Variants in CNTNAP2 observed in about 807,000 individuals in gnomAD.
The protein encoded by CNTNAP2 is contactin associated protein 2.
In CNTNAP2, 98 loss-of-function variants were observed where a neutral mutation model predicts 155.2. That is an observed-to-expected ratio of 0.63 (90% CI 0.54 to 0.75). The LOEUF is 0.75. Among genes scored for constraint, CNTNAP2 ranks in the 30% least tolerant of loss-of-function variants. CNTNAP2 has a pLI of 0.00. For synonymous variants in CNTNAP2, 651 were observed against 631.2 expected, an observed-to-expected ratio of 1.03 and a Z score of -0.47; for missense variants, 1,727 against 1,688.1, an observed-to-expected ratio of 1.02 and a Z score of -0.40.
intron 9 of CNTNAP2, among the ~76,000 whole-genome samples, chr7:147,359,425 C>T (rs1333531421): frequency 6.6e-6 from 1 of 152,182 alleles, no homozygotes; most frequent in East Asian, 1.9e-4. Context: ...AGCCTGCTCT[C>T]AGCACAATGG....
chr7:148,038,702 T>A (rs1433656428), intron 15 of CNTNAP2, among the ~76,000 whole-genome samples: 2 of 152,192 alleles, frequency 1.3e-5, no homozygotes, highest in African/African-American at 2.4e-5. Flanking sequence ...GTATTTCCCA[T>A]GATTTCATTT....
chr7:146,777,310 A>G (rs1229357615), intron 2 of CNTNAP2, among the ~76,000 whole-genome samples: 1 of 152,202 alleles, frequency 6.6e-6, no homozygotes, highest in African/African-American at 2.4e-5. Context: ...TATGCTGTCC[A>G]TAATGACATA....
chr7:147,459,860 C>T (rs1797987851), intron 10 of CNTNAP2, among the ~76,000 whole-genome samples: 2 of 152,102 alleles, frequency 1.3e-5, no homozygotes, highest in South Asian at 4.1e-4. Context: ...GTTCCCAGGA[C>T]ACTGATCTGT....
intron 5 of CNTNAP2, among the ~76,000 whole-genome samples, chr7:147,119,139 C>T (rs1319909891): frequency 6.6e-6 from 1 of 152,124 alleles, no homozygotes; most frequent in Admixed American, 6.5e-5. Context: ...CACATGCACA[C>T]GTGTGCACAC....
chr7:146,187,365 G>A (rs1482845334), intron 1 of CNTNAP2, among the ~76,000 whole-genome samples: 1 of 152,156 alleles, frequency 6.6e-6, no homozygotes, highest in African/African-American at 2.4e-5. Context: ...GGCAATGGTA[G>A]AAGCAAAGGA....
At chr7:147,499,506 G>A (rs1798771920) in intron 11 of CNTNAP2, among the ~76,000 whole-genome samples, 1 of 152,044 alleles carries the variant, frequency 6.6e-6, no homozygotes, top group Non-Finnish European at 1.5e-5. Flanking sequence ...TCCAGCCTGG[G>A]CAACAGTGCA....
At chr7:146,938,302 A>T (rs1242545708) in intron 3 of CNTNAP2, among the ~76,000 whole-genome samples, 1 of 151,974 alleles carries the variant, frequency 6.6e-6, no homozygotes, top group African/African-American at 2.4e-5. Flanking sequence ...ATCCACAGAT[A>T]AGTATAGATA....
chr7:147,042,596 A>G (rs1799280810), intron 3 of CNTNAP2, among the ~76,000 whole-genome samples: 1 of 152,130 alleles, frequency 6.6e-6, no homozygotes, highest in Non-Finnish European at 1.5e-5. Flanking sequence ...GAGTAGTCTA[A>G]CTTTAAAACA....
At chr7:146,789,387 G>A (rs58017763) in intron 2 of CNTNAP2, among the ~76,000 whole-genome samples, 8,650 of 152,144 alleles carry the variant, frequency 0.057, 745 homozygotes, top group African/African-American at 0.18. Context: ...AGCGTATATT[G>A]AGTAGATTTT....
intron 1 of CNTNAP2, among the ~76,000 whole-genome samples, chr7:146,425,026 A>G (rs1020597038): frequency 2.0e-5 from 3 of 152,202 alleles, no homozygotes; most frequent in African/African-American, 7.2e-5. Context: ...ACTAGGTATA[A>G]AAACAAATCC....
At chr7:147,632,010 A>G (rs1795094446) in intron 12 of CNTNAP2, among the ~76,000 whole-genome samples, 1 of 152,224 alleles carries the variant, frequency 6.6e-6, no homozygotes. Flanking sequence ...AAGCTTCTGC[A>G]CAGCAAAAGA....
intron 9 of CNTNAP2, among the ~76,000 whole-genome samples, chr7:147,312,585 A>G (rs2116798937): frequency 8.7e-6 from 1 of 114,980 alleles, no homozygotes; most frequent in Middle Eastern, 3.9e-3. Flanking sequence ...TACAAAGGAC[A>G]TGAACTCATC....
intron 15 of CNTNAP2, among the ~76,000 whole-genome samples, chr7:148,069,457 A>G (rs1803336447): frequency 6.6e-6 from 1 of 152,118 alleles, no homozygotes; most frequent in Non-Finnish European, 1.5e-5. Context: ...AGAGAGGGAC[A>G]TAAGCAATCA....
At chr7:147,777,650 G>T (rs926797710) in intron 13 of CNTNAP2, among the ~76,000 whole-genome samples, 5 of 152,130 alleles carry the variant, frequency 3.3e-5, no homozygotes, top group Non-Finnish European at 7.3e-5. Flanking sequence ...TCTATACCAA[G>T]ACATTAATGA....
intron 21 of CNTNAP2, among the ~76,000 whole-genome samples, chr7:148,294,344 T>A (rs753307481): frequency 2.0e-5 from 3 of 152,238 alleles, no homozygotes; most frequent in Non-Finnish European, 2.9e-5. Flanking sequence ...TAAGCTTACA[T>A]ATAATTAACC....
chr7:148,256,187 C>T (rs1015588943), intron 20 of CNTNAP2, among the ~76,000 whole-genome samples: 2 of 152,084 alleles, frequency 1.3e-5, no homozygotes, highest in African/African-American at 4.8e-5. Flanking sequence ...GACGCTTCCT[C>T]CCACCCTCCA....
At chr7:146,173,232 A>G (rs953210097) in intron 1 of CNTNAP2, among the ~76,000 whole-genome samples, 1 of 152,156 alleles carries the variant, frequency 6.6e-6, no homozygotes, top group Non-Finnish European at 1.5e-5. Flanking sequence ...ATCTTATTAT[A>G]CATTATTAGA....
At chr7:146,978,152 A>G (rs900107872) in intron 3 of CNTNAP2, among the ~76,000 whole-genome samples, 1 of 152,198 alleles carries the variant, frequency 6.6e-6, no homozygotes, top group African/African-American at 2.4e-5. Context: ...TTCAGCTAAG[A>G]CATTGAAGCT....
At chr7:148,191,023 C>A (rs181731291) in intron 18 of CNTNAP2, among the ~76,000 whole-genome samples, 1 of 152,272 alleles carries the variant, frequency 6.6e-6, no homozygotes, top group East Asian at 1.9e-4. Flanking sequence ...ATGAAGAGCT[C>A]CATGGGGACT....
Sources: gnomAD v4.1 joint callset for allele counts (sites outside exome capture counted in the v4.1 genomes callset) on GRCh38, gnomAD v4.1.1 for gene constraint, MANE v1.5 for transcripts, NCBI Gene and HGNC (gene_info 2026-07-23, HGNC 2026-07-21) for gene names.